PARP11: variants seen among roughly 807,000 people sequenced by gnomAD.
PARP11 encodes poly(ADP-ribose) polymerase family member 11.
In PARP11, 31 loss-of-function variants were observed where a neutral mutation model predicts 42.9. The observed-to-expected ratio is 0.72, with a 90% CI of 0.54 to 0.98. The LOEUF (loss-of-function observed/expected upper bound fraction) is 0.98, where lower values mean the gene tolerates loss of function less well. Ranked by LOEUF, PARP11 falls within the 50% of genes least tolerant of loss-of-function variation. The pLI is 0.00. For missense variants in PARP11, 365 were observed against 413.1 expected (o/e 0.88, Z 1.01); for synonymous variants, 137 against 127.3 (o/e 1.08, Z -0.51).
In PARP11 at chr12:3,840,226, C is replaced by T; in HGVS notation, c.19-10208G>A. On this transcript the variant is annotated intron_variant, in intron 1 of 7. Transcript: ENST00000228820. This position sits in a 1 kb window ranked among gnomAD's most constrained non-coding sequence, Gnocchi z 4.4. Reference sequence around the variant, plus strand: ...TTTGAATGCAGACGTTCAAGGAGTTCATTCTGAGAATGGACCAGTTTTGGT... The same window carrying T: ...TTTGAATGCAGACGTTCAAGGAGTTTATTCTGAGAATGGACCAGTTTTGGT... 1.9e-6 allele frequency: 3 copies of T among 1,611,716 alleles called. No homozygotes were observed. The Admixed American group carries it at 5.0e-5, about 27-fold the overall frequency.
Position 3,810,677 on chromosome 12 carries a change from AGG to A in PARP11, c.*1444_*1445del. ...AAGGAAGGAAGGAAGGAAGGAAGGA[AGG>A]AAGGAAAGAAAGAAGGAAGGAAGAG... is the stretch of plus-strand genomic sequence containing the variant. On this transcript the variant is annotated 3_prime_UTR_variant, in exon 8 of 8. Coordinates refer to ENST00000228820, the MANE Select transcript of PARP11 (RefSeq NM_020367.6). 2 of 147,380 alleles carry A rather than the reference AGG, an allele frequency of 1.4e-5. No homozygotes were observed. The highest frequency in any genetic ancestry group is 3.0e-5 in the Non-Finnish European group (2 of 67,178). 9.1% of individuals were successfully genotyped at this position (147,380 alleles called of 1,614,324 possible). A position where few individuals can be genotyped will look rare whatever the true frequency, so the allele number is the denominator to read the frequency against.
At chr12:3,867,948 CCTA>C (rs1391682536) in intron 1 of PARP11, among the ~76,000 whole-genome samples, 102 of 152,270 alleles carry the variant, frequency 6.7e-4, no homozygotes, top group African/African-American at 2.3e-3. Context: ...CCTTGATATT[CCTA>C]AACATCTGAC....
chr12:3,863,419 G>A (rs1948333609), intron 1 of PARP11, among the ~76,000 whole-genome samples: 2 of 152,112 alleles, frequency 1.3e-5, no homozygotes, highest in Non-Finnish European at 2.9e-5. Context: ...TCATTGCCTT[G>A]TTCTTGATCT....
At chr12:3,841,655 A>G (rs1345643770) in intron 1 of PARP11, 6 of 1,613,488 alleles carry the variant, frequency 3.7e-6, no homozygotes, top group African/African-American at 1.3e-5. Context: ...GCTGATTATG[A>G]AGAGTCACTG....
chr12:3,832,145 G>GA, intron 1 of PARP11: 2 of 980,432 alleles, frequency 2.0e-6, no homozygotes, highest in Non-Finnish European at 2.4e-6. Flanking sequence ...GGTTATAAAT[G>GA]AAAGTGTTTC....
intron 6 of PARP11, among the ~76,000 whole-genome samples, chr12:3,818,076 C>T (rs371270742): frequency 4.1e-4 from 62 of 152,352 alleles, no homozygotes; most frequent in African/African-American, 1.4e-3. Context: ...TACATTTGTA[C>T]TGCTGAAGTA....
rs140320904 is a variant in PARP11, at chr12:3,840,068, A to G, written c.19-10050T>C. The stretch of plus-strand genomic sequence containing the variant: ...CTTAAGTCACTCAATCCTGCAGTCT[A>G]TAGAAATGTGGAATATGAAATTTGG... On this transcript the variant is annotated intron_variant, in intron 1 of 7. Transcript: ENST00000228820. The surrounding 1 kb of genome is among the most constrained non-coding windows in gnomAD (Gnocchi z 4.4). The G allele has an allele frequency of 6.3e-4, 1,017 of 1,609,196 alleles. 7 individuals are homozygous for G. The African/African-American group carries it at 0.012, about 19-fold the overall frequency.
At chr12:3,851,137 C>T (rs1211037905) in intron 1 of PARP11, among the ~76,000 whole-genome samples, 1 of 152,128 alleles carries the variant, frequency 6.6e-6, no homozygotes, top group African/African-American at 2.4e-5. Flanking sequence ...CATTGGGGGT[C>T]CATTCCAAGA....
intron 6 of PARP11, among the ~76,000 whole-genome samples, chr12:3,818,801 C>A (rs1020361644): frequency 1.3e-5 from 2 of 152,188 alleles, no homozygotes; most frequent in Non-Finnish European, 2.9e-5. Context: ...CTTGTGTAAA[C>A]CACATTCTCC....
chr12:3,840,239 G>C lies in PARP11; in HGVS notation c.19-10221C>G. 6.2e-7 allele frequency: 1 copy of C among 1,612,218 alleles called. No homozygotes were observed. The highest frequency in any genetic ancestry group is 8.5e-7 in the Non-Finnish European group (1 of 1,178,226). ...GTTCAAGGAGTTCATTCTGAGAATG[G>C]ACCAGTTTTGGTTGAAGAACTGGGA... On this transcript the variant is annotated intron_variant, in intron 1 of 7. Transcript: ENST00000228820. The surrounding 1 kb of genome is among the most constrained non-coding windows in gnomAD (Gnocchi z 4.4).
chr12:3,814,101 T>G lies in PARP11; in HGVS notation c.636A>C (p.Glu212Asp), dbSNP rs201810855. Residue 212 changes from glutamate to aspartate, a missense_variant, in exon 7 of 8, where the codon GAA becomes GAC. Transcript: ENST00000228820. ...AATCAAAGTTATGAATGCAGATTGC[T>G]TCCACAAATTCACTGCTGGTACCAT... ...LFHGTSSEFVEAICIHNFDWR... is the reference protein window; with the variant it reads ...LFHGTSSEFVDAICIHNFDWR... 1 of 1,609,336 alleles carries G rather than the reference T, an allele frequency of 6.2e-7. No homozygotes were observed.
intron 1 of PARP11, among the ~76,000 whole-genome samples, chr12:3,858,883 A>G (rs1948240894): frequency 1.3e-5 from 2 of 151,898 alleles, no homozygotes; most frequent in South Asian, 4.2e-4. Flanking sequence ...TGAGGTCAGG[A>G]GTTCAAGACC....
intron 1 of PARP11, among the ~76,000 whole-genome samples, chr12:3,868,730 C>T (rs1258746951): frequency 6.6e-6 from 1 of 152,182 alleles, no homozygotes; most frequent in African/African-American, 2.4e-5. Flanking sequence ...TAGGTGACTT[C>T]ATACTTTCCC....
intron 6 of PARP11, among the ~76,000 whole-genome samples, chr12:3,818,363 T>C (rs1292703097): frequency 6.6e-6 from 1 of 152,200 alleles, no homozygotes; most frequent in Non-Finnish European, 1.5e-5. Context: ...CCTCTACTTA[T>C]CTGTAAACAT....
At chr12:3,854,239 A>T (rs1041884174) in intron 1 of PARP11, among the ~76,000 whole-genome samples, 1 of 152,202 alleles carries the variant, frequency 6.6e-6, no homozygotes, top group African/African-American at 2.4e-5. Context: ...CAGAAGCAAG[A>T]GCAAACAAAT....
chr12:3,814,029 A>G lies in PARP11; in HGVS notation c.700+8T>C. 6.5e-7 allele frequency: 1 copy of G among 1,546,584 alleles called. No homozygotes were observed. The highest frequency in any genetic ancestry group is 1.3e-5 in the South Asian group (1 of 79,804). ...GGCTCAAATTGGACCTGGAATTCTG[A>G]TAATTACCTTTTCCAAAGACAGCAC... On this transcript the variant is annotated splice_region_variant and intron_variant, in intron 7 of 7. Coordinates refer to ENST00000228820, the MANE Select transcript of PARP11 (RefSeq NM_020367.6).
chr12:3,858,096 T>C (rs1048475200), intron 1 of PARP11, among the ~76,000 whole-genome samples: 13 of 152,118 alleles, frequency 8.5e-5, no homozygotes, highest in African/African-American at 3.1e-4. Flanking sequence ...GAACAATTGG[T>C]GATTTCGAAG....
chr12:3,872,683 G>C (rs1948510650), intron 1 of PARP11: 1 of 985,286 alleles, frequency 1.0e-6, no homozygotes, highest in Non-Finnish European at 1.2e-6. Context: ...TCAAGACAAG[G>C]GGGTCCCAAT....
At chr12:3,835,254 C>A (rs547458748) in intron 1 of PARP11, among the ~76,000 whole-genome samples, 2 of 152,294 alleles carry the variant, frequency 1.3e-5, no homozygotes, top group African/African-American at 2.4e-5. Context: ...ATAGTCTATG[C>A]CAATCCAGAA....
Sources: allele counts gnomAD v4.1 joint callset (sites outside exome capture counted in the v4.1 genomes callset), GRCh38; gene constraint gnomAD v4.1.1; non-coding constraint Gnocchi (gnomAD v3.1); transcripts MANE v1.5; gene names NCBI Gene and HGNC (gene_info 2026-07-23, HGNC 2026-07-21).